Variants in LRP1B observed in about 807,000 individuals in gnomAD.
The protein encoded by LRP1B is LDL receptor related protein 1B.
A neutral mutation model predicts 556.6 loss-of-function variants in LRP1B; 217 were observed. That is an observed-to-expected ratio of 0.39 (90% CI 0.35 to 0.44). The LOEUF is 0.44. Ranked by LOEUF, LRP1B falls within the 20% of genes least tolerant of loss-of-function variation. The pLI is 1.00. For synonymous variants in LRP1B, 2,047 were observed against 1,865.8 expected, an observed-to-expected ratio of 1.10 and a Z score of -2.50; for missense variants, 5,053 against 5,620.8, an observed-to-expected ratio of 0.90 and a Z score of 3.23.
At chr2:141,583,145 C>T (rs141994912) in intron 2 of LRP1B, among the ~76,000 whole-genome samples, 5 of 151,974 alleles carry the variant, frequency 3.3e-5, no homozygotes, top group Non-Finnish European at 7.4e-5. Flanking sequence ...CAACAATAAT[C>T]ATTTTTATAA....
chr2:141,693,212 T>C (rs926191378), intron 2 of LRP1B, among the ~76,000 whole-genome samples: 4 of 152,012 alleles, frequency 2.6e-5, no homozygotes, highest in African/African-American at 9.7e-5. Context: ...GCAATTAGCA[T>C]TTTTTTCTTG....
intron 23 of LRP1B, among the ~76,000 whole-genome samples, chr2:140,888,506 T>C (rs1693705209): frequency 1.3e-5 from 2 of 150,996 alleles, no homozygotes; most frequent in African/African-American, 4.9e-5. Context: ...TATATACTTA[T>C]ACATATAAAT....
At chr2:141,242,109 T>C (rs911323375) in intron 5 of LRP1B, among the ~76,000 whole-genome samples, 1 of 152,110 alleles carries the variant, frequency 6.6e-6, no homozygotes, top group African/African-American at 2.4e-5. Flanking sequence ...TAATATGAGA[T>C]GCTTTAATAA....
intron 3 of LRP1B, among the ~76,000 whole-genome samples, chr2:141,306,394 T>G (rs1370268145): frequency 6.6e-6 from 1 of 152,098 alleles, no homozygotes; most frequent in Non-Finnish European, 1.5e-5. Context: ...TCAATATTCT[T>G]TAGGTTTTCC....
chr2:140,433,949 T>A (rs1040920778), intron 66 of LRP1B, among the ~76,000 whole-genome samples: 1 of 152,046 alleles, frequency 6.6e-6, no homozygotes, highest in Non-Finnish European at 1.5e-5. Flanking sequence ...GGAAGTGCAA[T>A]CATATGGATG....
intron 32 of LRP1B, among the ~76,000 whole-genome samples, chr2:140,810,743 GTTGT>G (rs1411327943): frequency 6.6e-6 from 1 of 151,954 alleles, no homozygotes; most frequent in Non-Finnish European, 1.5e-5. Flanking sequence ...GAGGTTTTTT[GTTGT>G]TTGTTTTGAA....
At chr2:141,087,549 G>A (rs942103763) in intron 7 of LRP1B, among the ~76,000 whole-genome samples, 1 of 152,152 alleles carries the variant, frequency 6.6e-6, no homozygotes, top group African/African-American at 2.4e-5. Context: ...TGTACAATAA[G>A]CAAAAGCTAG....
chr2:141,813,655 G>A (rs966155680), intron 1 of LRP1B, among the ~76,000 whole-genome samples: 6 of 151,970 alleles, frequency 3.9e-5, no homozygotes, highest in African/African-American at 1.2e-4. Flanking sequence ...TAACAGTGTT[G>A]CAACTTTTTC....
At chr2:140,506,550 C>T (rs1295950951) in intron 53 of LRP1B, among the ~76,000 whole-genome samples, 2 of 152,116 alleles carry the variant, frequency 1.3e-5, no homozygotes, top group Non-Finnish European at 2.9e-5. Flanking sequence ...AGCCCAAAGA[C>T]ATTTTTATAA....
intron 41 of LRP1B, among the ~76,000 whole-genome samples, chr2:140,628,523 T>C (rs1018101799): frequency 7.7e-6 from 1 of 130,600 alleles, no homozygotes; most frequent in Non-Finnish European, 1.6e-5. Context: ...GGCGAAAGAA[T>C]GAGACTCTGT....
intron 3 of LRP1B, among the ~76,000 whole-genome samples, chr2:141,473,057 C>T (rs561456462): frequency 6.6e-6 from 1 of 152,246 alleles, no homozygotes; most frequent in African/African-American, 2.4e-5. Context: ...GCTAGCTGCC[C>T]CTTCTGTCAA....
intron 2 of LRP1B, among the ~76,000 whole-genome samples, chr2:141,767,926 A>G (rs1196114223): frequency 2.0e-5 from 3 of 152,154 alleles, no homozygotes; most frequent in African/African-American, 7.2e-5. Context: ...AATCATTTGC[A>G]TGGCTGGTTA....
intron 71 of LRP1B, among the ~76,000 whole-genome samples, chr2:140,365,488 T>TA (rs1360312586): frequency 6.6e-6 from 1 of 151,672 alleles, no homozygotes; most frequent in Admixed American, 6.6e-5. Flanking sequence ...AAGTAATGAA[T>TA]AAATTTGGGT....
intron 2 of LRP1B, among the ~76,000 whole-genome samples, chr2:141,765,784 C>G (rs1006182737): frequency 1.3e-5 from 2 of 152,116 alleles, no homozygotes; most frequent in Non-Finnish European, 2.9e-5. Flanking sequence ...ACTGATGATT[C>G]CTTTTTCTCC....
At chr2:141,148,935 A>C (rs1380541515) in intron 7 of LRP1B, among the ~76,000 whole-genome samples, 1 of 152,014 alleles carries the variant, frequency 6.6e-6, no homozygotes, top group Non-Finnish European at 1.5e-5. Context: ...AATACAAAAA[A>C]GTTAGCTGGG....
At chr2:141,198,043 C>A (rs917739680) in intron 6 of LRP1B, among the ~76,000 whole-genome samples, 2 of 152,068 alleles carry the variant, frequency 1.3e-5, no homozygotes, top group Non-Finnish European at 2.9e-5. Context: ...AAACCTATTC[C>A]ATTTTCCTCG....
intron 43 of LRP1B, among the ~76,000 whole-genome samples, chr2:140,552,853 C>A (rs1387871557): frequency 1.3e-5 from 2 of 152,088 alleles, no homozygotes; most frequent in Non-Finnish European, 2.9e-5. Context: ...TAAACTATGT[C>A]TATATCTATT....
In LRP1B at chr2:140,766,620, C is replaced by CTGA. The variant is rs145590728; in HGVS notation, c.5758+2590_5758+2592dup. 5.5e-3 allele frequency among the ~76,000 whole-genome samples: 818 copies of CTGA among 148,984 alleles called. 2 individuals are homozygous for CTGA. Among genetic ancestry groups the CTGA allele is most frequent in the African/African-American group, 0.013 (543 of 40,620 alleles). On this transcript the variant is annotated intron_variant, in intron 35 of 90. Transcript: ENST00000389484. The stretch of plus-strand genomic sequence containing the variant: ...AATCTTTAAGCATCAGCTCTACAGA[C>CTGA]TGATGATGATGATGATGATGATGAT...
intron 85 of LRP1B, among the ~76,000 whole-genome samples, chr2:140,274,065 AATG>A (rs1221581907): frequency 2.6e-5 from 4 of 152,030 alleles, no homozygotes; most frequent in African/African-American, 9.7e-5. Flanking sequence ...TGTCAATAAC[AATG>A]ATGAAACAAT....
Sources: gnomAD v4.1 joint callset for allele counts (sites outside exome capture counted in the v4.1 genomes callset) on GRCh38, gnomAD v4.1.1 for gene constraint, MANE v1.5 for transcripts, NCBI Gene and HGNC (gene_info 2026-07-23, HGNC 2026-07-21) for gene names.